The following CYTH1 variants were observed in gnomAD, a reference collection of about 807,000 sequenced individuals.
CYTH1 encodes the protein cytohesin 1.
A neutral mutation model predicts 61.8 loss-of-function variants in CYTH1; 18 were observed. The observed-to-expected ratio is 0.29, with a 90% CI of 0.20 to 0.43. The LOEUF (loss-of-function observed/expected upper bound fraction) is 0.43, where lower values mean the gene tolerates loss of function less well. CYTH1 is among the 20% of genes least tolerant of loss of function. The probability of loss-of-function intolerance (pLI) is 1.00; values close to 1 mark genes in which losing one functional copy is unlikely to be tolerated. For missense variants in CYTH1, 336 were observed against 510.5 expected (o/e 0.66, Z 3.29); for synonymous variants, 174 against 184.3 (o/e 0.94, Z 0.45).
In CYTH1 at chr17:78,780,985, G is replaced by A. The variant is rs533178837; in HGVS notation, c.22+1217C>T. Among the ~76,000 whole-genome samples, 3 of 151,966 alleles carry A rather than the reference G, an allele frequency of 2.0e-5. No individual in the cohort carries two copies. In the East Asian group the frequency reaches 5.8e-4, roughly 29 times the overall value. On this transcript the variant is annotated intron_variant, in intron 1 of 13. Transcript: ENST00000446868. ...AGATGGCGCCACTGCACTACAGCCT[G>A]GGCGACAGAGTGAGACTCCGTTTCA...
intron 11 of CYTH1, 88 bp downstream of exon 11, chr17:78,692,329 C>T (rs960511093): frequency 8.9e-6 from 12 of 1,344,724 alleles, no homozygotes; most frequent in African/African-American, 4.3e-5. Context: ...GCAAATCCAA[C>T]GGTCTCCTCA....
intron 1 of CYTH1, among the ~76,000 whole-genome samples, chr17:78,739,109 T>A (rs1433239020): frequency 6.6e-6 from 1 of 152,280 alleles, no homozygotes; most frequent in Non-Finnish European, 1.5e-5. Context: ...AATTGCTTTT[T>A]CAAAGCCTTT....
At chr17:78,677,478 C>A (rs950133143) in intron 13 of CYTH1, 1 of 190,232 alleles carries the variant, frequency 5.3e-6, no homozygotes, top group Non-Finnish European at 1.1e-5. Flanking sequence ...CCCTGGGTTC[C>A]GGAGAGTCAA....
chr17:78,744,636 C>T (rs182588701), intron 1 of CYTH1, among the ~76,000 whole-genome samples: 5 of 152,052 alleles, frequency 3.3e-5, no homozygotes, highest in Admixed American at 3.3e-4. Flanking sequence ...ATCTATTAGA[C>T]CTTGGGGGAA....
At chr17:78,739,272 A>C (rs1484173944) in intron 1 of CYTH1, among the ~76,000 whole-genome samples, 2 of 152,226 alleles carry the variant, frequency 1.3e-5, no homozygotes, top group African/African-American at 4.8e-5. Context: ...TGTTTCGTTC[A>C]ACATTCACTG....
rs1280097859 is a variant in CYTH1, at chr17:78,719,262, G to A, written c.23-9530C>T. On this transcript the variant is annotated intron_variant, in intron 1 of 13. Transcript: ENST00000446868. ...CCTCAAAGCAAACAGTAAGCTAAGA[G>A]GTTGCTTCCTGAGCAGAGTACTGTT... 2.0e-5 allele frequency among the ~76,000 whole-genome samples: 3 copies of A among 152,164 alleles called. No homozygotes were observed. The East Asian group carries it at 5.8e-4, about 29-fold the overall frequency.
At chr17:78,733,076 C>CAAAAAGAAA in intron 1 of CYTH1, among the ~76,000 whole-genome samples, 1 of 47,692 alleles carries the variant, frequency 2.1e-5, no homozygotes, top group Non-Finnish European at 3.4e-5. Context: ...GACTCCATCT[C>CAAAAAGAAA]AAAAAAAAAA....
intron 1 of CYTH1, among the ~76,000 whole-genome samples, chr17:78,754,587 A>G (rs1366062427): frequency 6.6e-6 from 1 of 152,086 alleles, no homozygotes; most frequent in South Asian, 2.1e-4. Context: ...GGCTCAAGCA[A>G]TCCTCCTACC....
chr17:78,775,564 A>T (rs1175296153), intron 1 of CYTH1, among the ~76,000 whole-genome samples: 1 of 152,200 alleles, frequency 6.6e-6, no homozygotes, highest in Non-Finnish European at 1.5e-5. Flanking sequence ...TTCTTGTTTT[A>T]GATAATGAAT....
chr17:78,760,492 TATATAC>T (rs2093422092), intron 1 of CYTH1, among the ~76,000 whole-genome samples: 1 of 49,780 alleles, frequency 2.0e-5, no homozygotes, highest in Non-Finnish European at 3.6e-5. Context: ...TATGTATATA[TATATAC>T]ATATATATGT....
chr17:78,760,141 C>T (rs903727713), intron 1 of CYTH1, among the ~76,000 whole-genome samples: 1 of 151,486 alleles, frequency 6.6e-6, no homozygotes, highest in South Asian at 2.1e-4. Flanking sequence ...TACTAGATTA[C>T]GAACTTTAAA....
At chr17:78,759,670 C>T (rs1195064993) in intron 1 of CYTH1, among the ~76,000 whole-genome samples, 1 of 152,222 alleles carries the variant, frequency 6.6e-6, no homozygotes, top group African/African-American at 2.4e-5. Context: ...AAGCGGAATA[C>T]TGAATGGCTT....
intron 1 of CYTH1, among the ~76,000 whole-genome samples, chr17:78,758,951 C>T (rs1374186015): frequency 6.6e-6 from 1 of 151,944 alleles, no homozygotes; most frequent in Non-Finnish European, 1.5e-5. Context: ...TATCTACTTT[C>T]GGCATCCACG....
intron 1 of CYTH1, among the ~76,000 whole-genome samples, chr17:78,719,307 A>G (rs2093208494): frequency 1.3e-5 from 2 of 152,220 alleles, no homozygotes; most frequent in Non-Finnish European, 2.9e-5. Flanking sequence ...TACAGCTTTT[A>G]TATCACTTGG....
At chr17:78,756,765 T>G (rs2093402859) in intron 1 of CYTH1, among the ~76,000 whole-genome samples, 1 of 151,762 alleles carries the variant, frequency 6.6e-6, no homozygotes, top group African/African-American at 2.4e-5. Context: ...AAGTCAAGGC[T>G]GCAGTGAGCT....
At chr17:78,774,025 T>C (rs907104487) in intron 1 of CYTH1, among the ~76,000 whole-genome samples, 1 of 152,208 alleles carries the variant, frequency 6.6e-6, no homozygotes, top group African/African-American at 2.4e-5. Context: ...AGTCACCATT[T>C]TGTAACCACC....
chr17:78,706,280 C>G (rs931803928), intron 3 of CYTH1, among the ~76,000 whole-genome samples: 2 of 152,112 alleles, frequency 1.3e-5, no homozygotes, highest in African/African-American at 4.8e-5. Flanking sequence ...TATGGCCCTT[C>G]CTAGTCAACC....
At chr17:78,703,434 A>AC (rs1276755368) in intron 3 of CYTH1, among the ~76,000 whole-genome samples, 1 of 151,188 alleles carries the variant, frequency 6.6e-6, no homozygotes, top group Admixed American at 6.6e-5. Context: ...AAAAAAAAAA[A>AC]ACTTTATCAG....
At chr17:78,711,338 C>T (rs2093130480) in intron 1 of CYTH1, among the ~76,000 whole-genome samples, 1 of 149,592 alleles carries the variant, frequency 6.7e-6, no homozygotes, top group African/African-American at 2.5e-5. Flanking sequence ...CACACACACA[C>T]CAGACTTTCT....
Sources: allele counts gnomAD v4.1 joint callset (sites outside exome capture counted in the v4.1 genomes callset), GRCh38; gene constraint gnomAD v4.1.1; transcripts MANE v1.5; gene names NCBI Gene and HGNC (gene_info 2026-07-23, HGNC 2026-07-21).